The following ZNF789 variants were observed in gnomAD, a reference collection of about 807,000 sequenced individuals.
ZNF789 encodes zinc finger protein 789.
Under a neutral mutation model 15.6 loss-of-function variants are expected in ZNF789, and 11 were observed. The observed-to-expected ratio is 0.70, with a 90% CI of 0.44 to 1.16. The LOEUF (loss-of-function observed/expected upper bound fraction) is 1.16. ZNF789 is among the 50% of genes most tolerant of loss of function. The pLI is 0.00. For missense variants in ZNF789, 461 were observed against 512.6 expected, an observed-to-expected ratio of 0.90 and a Z score of 0.97; for synonymous variants, 159 against 176.0, an observed-to-expected ratio of 0.90 and a Z score of 0.76.
Position 99,479,745 on chromosome 7 carries a change from C to T in ZNF789, c.109C>T (p.Arg37Ter), listed in dbSNP as rs1386876018. 8.7e-6 allele frequency: 14 copies of T among 1,613,776 alleles called. No homozygotes were observed. Among genetic ancestry groups the T allele is most frequent in the Non-Finnish European group, 1.1e-5 (13 of 1,179,900 alleles). The change falls in exon 3 of 5, where the codon CGA becomes TGA. Residue 37 changes from arginine (R) to a stop codon, truncating the protein, a stop_gained. Coordinates refer to ENST00000331410, the MANE Select transcript of ZNF789 (RefSeq NM_213603.3). LOFTEE classifies it high-confidence loss of function. ...HLNWGQKDLY[R>*]DVMLENYRNM... is the part of the protein sequence containing the mutation. ...CAACTGGGGTCAGAAGGACCTCTAC[C>T]GAGATGTGATGTTGGAGAACTACAG...
At chr7:99,483,856 A>G (rs1420179991) in intron 3 of ZNF789, 174 bp from the exon 4 acceptor site, 3 of 785,216 alleles carry the variant, frequency 3.8e-6, no homozygotes, top group African/African-American at 1.7e-5. Flanking sequence ...AGCCAAAGGT[A>G]TGAACATTGT....
Position 99,483,779 on chromosome 7 carries a change from G to T in ZNF789, c.152-251G>T, listed in dbSNP as rs144889159. 1.9e-4 allele frequency: 151 copies of T among 780,952 alleles called. No individual in the cohort carries two copies. The East Asian group carries it at 3.4e-3, about 17-fold the overall frequency. The allele number at this position is 780,952 out of a possible 1,614,324, so 48.4% of individuals were successfully genotyped here. A position where few individuals can be genotyped will look rare whatever the true frequency, so the allele number is the denominator to read the frequency against. On this transcript the variant is annotated intron_variant, in intron 3 of 4. Coordinates refer to ENST00000331410, the MANE Select transcript of ZNF789 (RefSeq NM_213603.3). ...ATGCTGCAATACCACTGTGCTGAAC[G>T]TCTCTGGCACATTCATCTTGGTTGC...
intron 3 of ZNF789, chr7:99,481,106 A>G (rs963429819): frequency 6.6e-6 from 1 of 152,210 alleles, no homozygotes; most frequent in Non-Finnish European, 1.5e-5. Context: ...TCTATGTGCA[A>G]TCCTGTAATC....
Position 99,476,410 on chromosome 7 carries a change from A to G in ZNF789, c.-47A>G. The G allele has an allele frequency of 6.3e-7, 1 of 1,598,414 alleles. No homozygotes were observed. Among genetic ancestry groups the G allele is most frequent in the Non-Finnish European group, 8.5e-7 (1 of 1,173,572 alleles). On this transcript the variant is annotated 5_prime_UTR_variant, in exon 2 of 5. Transcript: ENST00000331410. ...ACTTTTTTTCTTCTCCAGCTCAGCC[A>G]GACGTCCAGGATCCCACCCCTTGCA...
chr7:99,479,552 C>T, intron 2 of ZNF789, 109 bp from the exon 3 acceptor site: 2 of 1,347,370 alleles, frequency 1.5e-6, no homozygotes, highest in Non-Finnish European at 2.0e-6. Context: ...AATTGGGTGC[C>T]CTTGGCCCAC....
At chr7:99,476,773 CTG>C (rs1799358227) in intron 2 of ZNF789, among the ~76,000 whole-genome samples, 1 of 152,238 alleles carries the variant, frequency 6.6e-6, no homozygotes, top group Non-Finnish European at 1.5e-5. Flanking sequence ...TCGTTTAGCA[CTG>C]TGTTAAGTTG....
At chr7:99,479,530 A>G in intron 2 of ZNF789, 131 bp from the exon 3 acceptor site, 1 of 1,143,432 alleles carries the variant, frequency 8.7e-7, no homozygotes, top group African/African-American at 1.6e-5. Flanking sequence ...AGCCCTGAAT[A>G]TATTCCTTAT....
At chr7:99,475,979 T>C (rs915666322) in intron 1 of ZNF789, among the ~76,000 whole-genome samples, 4 of 152,018 alleles carry the variant, frequency 2.6e-5, no homozygotes, top group Admixed American at 6.6e-5. Flanking sequence ...TAATTTTTTG[T>C]ATTTTAGTAG....
In ZNF789 at chr7:99,479,736, G is replaced by C. The variant is rs989228375; in HGVS notation, c.100G>C (p.Asp34His). The stretch of plus-strand genomic sequence containing the variant: ...GGGCCACCTCAACTGGGGTCAGAAG[G>C]ACCTCTACCGAGATGTGATGTTGGA... ...EWGHLNWGQK[D>H]LYRDVMLENY... is the part of the protein sequence containing the mutation. Residue 34 changes from aspartate to histidine, a missense_variant, in exon 3 of 5, where the codon GAC becomes CAC. Transcript: ENST00000331410. 1.9e-6 allele frequency: 3 copies of C among 1,614,062 alleles called. No individual in the cohort carries two copies. Among genetic ancestry groups the C allele is most frequent in the Non-Finnish European group, 2.5e-6 (3 of 1,179,976 alleles).
chr7:99,481,255 GTTGGT>G (rs1799610774), intron 3 of ZNF789: 1 of 152,168 alleles, frequency 6.6e-6, no homozygotes, highest in African/African-American at 2.4e-5. Context: ...TTGTTTGTTC[GTTGGT>G]TTGCTTGTGT....
chr7:99,486,622 A>G lies in ZNF789; in HGVS notation c.412A>G (p.Ser138Gly). ...ACATAAGTGTAAAGAATTTGTGGAC[A>G]GTTGCAGGCTTACTTTCCCTACTAG... ...KLHKCKEFVD[S>G]CRLTFPTSGD... The change falls in exon 5 of 5, where the codon AGT (serine) becomes GGT (glycine). Residue 138 changes from serine to glycine, a missense_variant. By Grantham distance (56) the Ser-to-Gly change is moderately conservative (BLOSUM62 0). Transcript: ENST00000331410. The G allele has an allele frequency of 6.2e-7, 1 of 1,614,240 alleles. No individual in the cohort carries two copies. Among genetic ancestry groups the G allele is most frequent in the Non-Finnish European group, 8.5e-7 (1 of 1,180,050 alleles).
rs146398936 is a variant in ZNF789 at position 99,486,605 on chromosome 7, G to A, written c.395G>A (p.Cys132Tyr). The A allele has an allele frequency of 2.5e-5, 41 of 1,614,220 alleles. No homozygotes were observed. The highest frequency in any genetic ancestry group is 3.2e-5 in the Non-Finnish European group (38 of 1,180,050). Residue 132 changes from cysteine (C) to tyrosine (Y), a missense_variant, in exon 5 of 5, where the codon TGT (cysteine) becomes TAT (tyrosine). Transcript: ENST00000331410. ...AEKLSEKLHK[C>Y]KEFVDSCRLT... ...AAACTTTCAGAAAAGTTACATAAGT[G>A]TAAAGAATTTGTGGACAGTTGCAGG...
intron 3 of ZNF789, chr7:99,480,162 T>A: frequency 4.4e-6 from 1 of 229,708 alleles, no homozygotes; most frequent in Non-Finnish European, 8.4e-6. Context: ...CCAGCTCTAC[T>A]TAAGATGCGA....
chr7:99,485,363 C>T (rs917580039), intron 4 of ZNF789: 1 of 757,262 alleles, frequency 1.3e-6, no homozygotes, highest in Non-Finnish European at 2.3e-6. Context: ...AGTTGAACCT[C>T]CCCAGGTGTG....
rs1295961040 is a variant in ZNF789, at chr7:99,487,382, A to G, written c.1172A>G (p.His391Arg). Reference protein sequence around the residue: ...KRNLFRHQVIHTGSQPYQCVI... With the variant: ...KRNLFRHQVIRTGSQPYQCVI... ...AATCTTTTTCGACATCAGGTCATTC[A>G]CACTGGAAGCCAACCCTACCAATGT... is the stretch of plus-strand genomic sequence containing the variant. The change falls in exon 5 of 5, where the codon CAC (histidine) becomes CGC (arginine). Residue 391 changes from histidine (H) to arginine (R), a missense_variant. Physicochemically the swap from His to Arg is conservative, Grantham distance 29 (BLOSUM62 0). Coordinates refer to ENST00000331410, the MANE Select transcript of ZNF789 (RefSeq NM_213603.3). 6.2e-7 allele frequency: 1 copy of G among 1,614,226 alleles called. No homozygotes were observed. Among genetic ancestry groups the G allele is most frequent in the Non-Finnish European group, 8.5e-7 (1 of 1,180,046 alleles).
intron 3 of ZNF789, chr7:99,483,601 G>A (rs1799758548): frequency 1.5e-6 from 1 of 675,238 alleles, no homozygotes; most frequent in Admixed American, 2.1e-5. Context: ...TCCAGCCTGG[G>A]TGACAGAGCA....
In ZNF789 at chr7:99,479,672, G is replaced by A. The variant is rs371539662; in HGVS notation, c.36G>A (p.Ser12=). 4.4e-5 allele frequency: 71 copies of A among 1,599,054 alleles called. 1 individual carries two copies. The highest frequency in any genetic ancestry group is 1.3e-4 in the South Asian group (12 of 88,914). ...AGCTACTTTTCCAGGAGCTGCTCTC[G>A]TTTGAGGATGTGGCGATGTACTTCA... is the stretch of plus-strand genomic sequence containing the variant. ...FPPARGKELL[S]FEDVAMYFTR... Residue 12 remains serine, a synonymous_variant, in exon 3 of 5, where the codon TCG becomes TCA. Coordinates refer to ENST00000331410, the MANE Select transcript of ZNF789 (RefSeq NM_213603.3).
rs1487176884 is a variant in ZNF789, at chr7:99,487,042, A to G, written c.832A>G (p.Ile278Val). Residue 278 changes from isoleucine to valine, a missense_variant, in exon 5 of 5, where the codon ATT becomes GTT. Transcript: ENST00000331410. ...QLAYLVEHKR[I>V]HTKEKPYKCS... ...CGCGTATCTTGTTGAACATAAGAGG[A>G]TTCACACCAAAGAAAAACCTTATAA... The G allele has an allele frequency of 6.2e-7, 1 of 1,614,084 alleles. No homozygotes were observed. Among genetic ancestry groups the G allele is most frequent in the African/African-American group, 1.3e-5 (1 of 75,062 alleles).
At chr7:99,478,686 G>A (rs1799458599) in intron 2 of ZNF789, 2 of 319,340 alleles carry the variant, frequency 6.3e-6, no homozygotes, top group South Asian at 5.0e-5. Flanking sequence ...CAGCCCACTG[G>A]AGGGGGCAGT....
Sources: allele counts gnomAD v4.1 joint callset (sites outside exome capture counted in the v4.1 genomes callset), GRCh38; gene constraint gnomAD v4.1.1; transcripts MANE v1.5; gene names NCBI Gene and HGNC (gene_info 2026-07-23, HGNC 2026-07-21).